The following AGTR1 variants were observed in gnomAD, a reference collection of about 807,000 sequenced individuals.
AGTR1 encodes the protein type-1 angiotensin II receptor.
Under a neutral mutation model 19.4 loss-of-function variants are expected in AGTR1, and 16 were observed. The ratio of observed to expected loss-of-function variants is 0.82; its 90% CI spans 0.56 to 1.25. The LOEUF (loss-of-function observed/expected upper bound fraction) is 1.25. Among genes scored for constraint, AGTR1 ranks in the 50% most tolerant of loss-of-function variants. AGTR1 has a pLI of 0.00. For synonymous variants in AGTR1, 153 were observed against 154.9 expected, an observed-to-expected ratio of 0.99 and a Z score of 0.09; for missense variants, 373 against 431.9, an observed-to-expected ratio of 0.86 and a Z score of 1.21.
intron 2 of AGTR1, among the ~76,000 whole-genome samples, chr3:148,718,949 G>T (rs1343945538): frequency 6.6e-6 from 1 of 152,178 alleles, no homozygotes; most frequent in Non-Finnish European, 1.5e-5. Flanking sequence ...ATGAAGGTGT[G>T]CTCAGCTGTC....
chr3:148,700,527 C>T (rs1319829946), intron 1 of AGTR1, among the ~76,000 whole-genome samples: 2 of 152,064 alleles, frequency 1.3e-5, no homozygotes, highest in Non-Finnish European at 2.9e-5. Flanking sequence ...GAGCTCCTGC[C>T]CTCTAGCCGC....
At chr3:148,700,544 A>T (rs919309460) in intron 1 of AGTR1, among the ~76,000 whole-genome samples, 1 of 152,292 alleles carries the variant, frequency 6.6e-6, no homozygotes, top group East Asian at 1.9e-4. Flanking sequence ...CCGCATGCTT[A>T]TTAGTTTACC....
intron 2 of AGTR1, among the ~76,000 whole-genome samples, chr3:148,733,762 G>A (rs1281456533): frequency 6.6e-6 from 1 of 152,200 alleles, no homozygotes; most frequent in African/African-American, 2.4e-5. Context: ...CTATAAGTTT[G>A]AAGAATTTAG....
intron 2 of AGTR1, among the ~76,000 whole-genome samples, chr3:148,714,035 A>C (rs1713147997): frequency 6.6e-6 from 1 of 152,188 alleles, no homozygotes; most frequent in African/African-American, 2.4e-5. Context: ...AATATCAAAG[A>C]AATGTCATGA....
At chr3:148,726,820 C>T (rs1486378734) in intron 2 of AGTR1, among the ~76,000 whole-genome samples, 1 of 152,056 alleles carries the variant, frequency 6.6e-6, no homozygotes, top group Non-Finnish European at 1.5e-5. Flanking sequence ...TAAAATGTTA[C>T]CCATTTGGCA....
intron 1 of AGTR1, among the ~76,000 whole-genome samples, chr3:148,702,983 C>T (rs1712443210): frequency 6.6e-6 from 1 of 151,986 alleles, no homozygotes; most frequent in African/African-American, 2.4e-5. Context: ...AGCATGAATA[C>T]AGTTTTTCAG....
At chr3:148,702,553 A>G (rs1461726041) in intron 1 of AGTR1, among the ~76,000 whole-genome samples, 2 of 152,184 alleles carry the variant, frequency 1.3e-5, no homozygotes, top group Admixed American at 1.3e-4. Context: ...ATGGGTCTCT[A>G]ATAGCCTAAT....
intron 2 of AGTR1, among the ~76,000 whole-genome samples, chr3:148,732,131 C>A (rs972156065): frequency 7.9e-5 from 12 of 152,310 alleles, no homozygotes; most frequent in Non-Finnish European, 1.5e-4. Context: ...TATCACATTG[C>A]GCCCCCCTCT....
intron 1 of AGTR1, among the ~76,000 whole-genome samples, chr3:148,706,356 G>A (rs2131127): frequency 0.43 from 65,931 of 151,748 alleles, 16,121 homozygotes; most frequent in African/African-American, 0.68. Flanking sequence ...CTGTATAACA[G>A]TGCTAAAGTT....
intron 2 of AGTR1, among the ~76,000 whole-genome samples, chr3:148,732,665 G>T (rs1003826538): frequency 7.4e-5 from 11 of 149,632 alleles, no homozygotes; most frequent in African/African-American, 2.7e-4. Context: ...AAGCAATTTT[G>T]CCCTTCTCGT....
In AGTR1 at chr3:148,740,643, T is replaced by C. The variant is rs575436331; in HGVS notation, c.-47-346T>C. On this transcript the variant is annotated intron_variant, in intron 2 of 2. Transcript: ENST00000349243. Reference sequence around the variant, plus strand: ...AAGTCTTTCTGAAAAACTAATTTAATTCAGTAGTATTTTCTAAGATTTAGG... The same window carrying C: ...AAGTCTTTCTGAAAAACTAATTTAACTCAGTAGTATTTTCTAAGATTTAGG... Among the ~76,000 whole-genome samples the C allele has an allele frequency of 8.5e-5, 13 of 152,354 alleles. No homozygotes were observed. In the East Asian group the frequency reaches 2.5e-3, roughly 29 times the overall value.
intron 2 of AGTR1, among the ~76,000 whole-genome samples, chr3:148,729,637 G>A (rs1714142656): frequency 6.6e-6 from 1 of 152,050 alleles, no homozygotes; most frequent in African/African-American, 2.4e-5. Context: ...ACCTTTTATT[G>A]GCCTGGCATC....
At chr3:148,727,345 G>C (rs1216642738) in intron 2 of AGTR1, among the ~76,000 whole-genome samples, 2 of 152,186 alleles carry the variant, frequency 1.3e-5, no homozygotes, top group African/African-American at 4.8e-5. Flanking sequence ...GTGAATGCAA[G>C]CTGAATTTAC....
At chr3:148,707,861 A>C (rs1385410056) in intron 1 of AGTR1, 83 bp from the exon 2 acceptor site, 1 of 152,184 alleles carries the variant, frequency 6.6e-6, no homozygotes, top group Non-Finnish European at 1.5e-5. Flanking sequence ...CTTAAGATGC[A>C]GTGTGGAAGC....
rs1715005158 is a variant in AGTR1, at chr3:148,742,963, CAA to C, written c.*850_*851del. The stretch of plus-strand genomic sequence containing the variant: ...CTGCTGTTAATTGATTAAAATCTGG[CAA>C]AGTTATATTTACTTTAAAATAAAAT... On this transcript the variant is annotated 3_prime_UTR_variant, in exon 3 of 3. Coordinates refer to ENST00000349243, the MANE Select transcript of AGTR1 (RefSeq NM_000685.5). 6.1e-6 allele frequency: 1 copy of C among 163,544 alleles called. No homozygotes were observed. The highest frequency in any genetic ancestry group is 1.5e-5 in the Non-Finnish European group (1 of 68,016). The allele number at this position is 163,544 out of a possible 1,614,324, so 10.1% of individuals were successfully genotyped here.
At chr3:148,717,966 T>A (rs3772622) in intron 2 of AGTR1, among the ~76,000 whole-genome samples, 1 of 152,024 alleles carries the variant, frequency 6.6e-6, no homozygotes, top group Non-Finnish European at 1.5e-5. Flanking sequence ...AGGATTGGGA[T>A]GAGTTATTTT....
intron 1 of AGTR1, among the ~76,000 whole-genome samples, chr3:148,706,000 T>C (rs1190588631): frequency 1.3e-5 from 2 of 152,010 alleles, no homozygotes; most frequent in African/African-American, 2.4e-5. Flanking sequence ...ACAACAAATC[T>C]TAAGAGCTTT....
chr3:148,741,635 T>C lies in AGTR1; in HGVS notation c.600T>C (p.Asn200=). Residue 200 remains asparagine (N), a synonymous_variant, in exon 3 of 3, where the codon AAT becomes AAC. Transcript: ENST00000349243. The part of the protein sequence containing the change: ...TLPIGLGLTK[N]ILGFLFPFLI... ...CGATAGGGCTGGGCCTGACCAAAAA[T>C]ATACTGGGTTTCCTGTTTCCTTTTC... 1 of 1,614,152 alleles carries C rather than the reference T, an allele frequency of 6.2e-7. No individual in the cohort carries two copies. The highest frequency in any genetic ancestry group is 8.5e-7 in the Non-Finnish European group (1 of 1,180,006).
intron 1 of AGTR1, among the ~76,000 whole-genome samples, chr3:148,699,384 C>T (rs1712190816): frequency 1.3e-5 from 2 of 152,290 alleles, no homozygotes; most frequent in East Asian, 1.9e-4. Flanking sequence ...AAGGAAGAAA[C>T]TGCCATACTT....
Sources: gnomAD v4.1 joint callset for allele counts (sites outside exome capture counted in the v4.1 genomes callset) on GRCh38, gnomAD v4.1.1 for gene constraint, MANE v1.5 for transcripts, NCBI Gene and HGNC (gene_info 2026-07-23, HGNC 2026-07-21) for gene names.